The following SLC30A10 variants were observed in gnomAD, a reference collection of about 807,000 sequenced individuals.
The protein encoded by SLC30A10 is calcium/manganese antiporter SLC30A10.
Under a neutral mutation model 21.7 loss-of-function variants are expected in SLC30A10, and 8 were observed. That is an observed-to-expected ratio of 0.37 (90% CI 0.22 to 0.67). The LOEUF is 0.67. Ranked by LOEUF, SLC30A10 falls within the 30% of genes least tolerant of loss-of-function variation. The pLI, the probability that SLC30A10 is intolerant of heterozygous loss-of-function variation, is 0.58. For missense variants in SLC30A10, 521 were observed against 642.5 expected, an observed-to-expected ratio of 0.81 and a Z score of 2.04; for synonymous variants, 272 against 279.4, an observed-to-expected ratio of 0.97 and a Z score of 0.26.
At chr1:219,947,516 G>T (rs537754366) in intron 1 of SLC30A10, among the ~76,000 whole-genome samples, 1 of 152,210 alleles carries the variant, frequency 6.6e-6, no homozygotes, top group East Asian at 1.9e-4. Flanking sequence ...CTGGGTGACA[G>T]AGCAAGATCC....
chr1:219,931,929 G>T (rs749442222), upstream of SLC30A10, among the ~76,000 whole-genome samples: 3 of 152,090 alleles, frequency 2.0e-5, no homozygotes, highest in Non-Finnish European at 4.4e-5. Context: ...TATTTTATAG[G>T]ATAGAACCTG....
chr1:219,931,348 C>T (rs141847709), upstream of SLC30A10, among the ~76,000 whole-genome samples: 30 of 152,270 alleles, frequency 2.0e-4, no homozygotes, highest in African/African-American at 6.5e-4. Context: ...CTGGGGGACC[C>T]ATTCCTGACT....
chr1:219,919,907 G>A (rs1024219828), intron 2 of SLC30A10, among the ~76,000 whole-genome samples: 1 of 152,038 alleles, frequency 6.6e-6, no homozygotes, highest in South Asian at 2.1e-4. Flanking sequence ...GACTTATGCA[G>A]TAGAATTAAT....
chr1:219,943,700 C>T (rs1385597788), intron 1 of SLC30A10, among the ~76,000 whole-genome samples: 3 of 152,246 alleles, frequency 2.0e-5, no homozygotes, highest in South Asian at 2.1e-4. Flanking sequence ...ATTACAAATA[C>T]ATTTGAAACA....
rs1182046054 is a variant in SLC30A10, at chr1:219,928,141, G to C, written c.300C>G (p.Ala100=). The C allele has an allele frequency of 5.1e-5, 79 of 1,562,692 alleles. No homozygotes were observed. Among genetic ancestry groups the C allele is most frequent in the Non-Finnish European group, 6.4e-5 (74 of 1,154,032 alleles). The change falls in exon 1 of 4, where the codon GCC becomes GCG. Residue 100 remains alanine (A), a synonymous_variant. Transcript: ENST00000366926. This position sits in a 1 kb window ranked among gnomAD's most constrained non-coding sequence, Gnocchi z 6.3. The part of the protein sequence containing the change: ...TALCFTIFVE[A]VLRLARPERI... The stretch of plus-strand genomic sequence containing the variant: ...GCTCGGGCCGGGCCAGGCGCAGCAC[G>C]GCCTCCACGAAGATGGTGAAGCAGA...
chr1:219,917,962 C>T (rs1005449820), intron 3 of SLC30A10, among the ~76,000 whole-genome samples: 2 of 152,130 alleles, frequency 1.3e-5, no homozygotes, highest in African/African-American at 4.8e-5. Context: ...ACTCACCCAC[C>T]TCTGCCTCCC....
chr1:219,921,802 C>A (rs1439984484), intron 2 of SLC30A10, among the ~76,000 whole-genome samples: 3 of 151,984 alleles, frequency 2.0e-5, no homozygotes, highest in African/African-American at 4.8e-5. Context: ...GCTGCCCATG[C>A]AAAGATGAAG....
chr1:219,935,293 C>T (rs905272985), intron 1 of SLC30A10, among the ~76,000 whole-genome samples: 1 of 152,200 alleles, frequency 6.6e-6, no homozygotes, highest in Admixed American at 6.5e-5. Context: ...CAATCCAACA[C>T]AGATGGCAAC....
chr1:219,938,432 G>A (rs1057309220), intron 1 of SLC30A10, among the ~76,000 whole-genome samples: 1 of 152,210 alleles, frequency 6.6e-6, no homozygotes, highest in African/African-American at 2.4e-5. Context: ...GGGAGAAAGA[G>A]TGCAGCATGC....
intron 2 of SLC30A10, among the ~76,000 whole-genome samples, chr1:219,921,133 C>T (rs553717054): frequency 2.0e-5 from 3 of 152,162 alleles, no homozygotes; most frequent in African/African-American, 7.2e-5. Flanking sequence ...AATGTTGTAA[C>T]CCTGCTAAAT....
intron 1 of SLC30A10, among the ~76,000 whole-genome samples, chr1:219,949,015 C>T (rs1378011593): frequency 6.6e-6 from 1 of 151,094 alleles, no homozygotes; most frequent in Non-Finnish European, 1.5e-5. Context: ...AAAATGCTCA[C>T]CATCACTGGC....
chr1:219,915,754 C>T lies in SLC30A10; in HGVS notation c.1153G>A (p.Val385Met), dbSNP rs943332891. 3.7e-6 allele frequency: 6 copies of T among 1,614,094 alleles called. No individual in the cohort carries two copies. The African/African-American group carries it at 8.0e-5, about 22-fold the overall frequency. Residue 385 changes from valine to methionine, a missense_variant, in exon 4 of 4, where the codon GTG (valine) becomes ATG (methionine). By Grantham distance (21) the Val-to-Met change is conservative. Transcript: ENST00000366926. ...TGCTCCAGGGGTTCCTTCAAGTCCACATTTTCAAACTGGATGGTCACATTG... is the reference window on the plus strand; with the variant it reads ...TGCTCCAGGGGTTCCTTCAAGTCCATATTTTCAAACTGGATGGTCACATTG... ...IHNVTIQFEN[V>M]DLKEPLEQKD...
Position 219,949,320 on chromosome 1 carries a change from C to T in SLC30A10, n.80+9248G>A, listed in dbSNP as rs975411395. Among the ~76,000 whole-genome samples the T allele has an allele frequency of 3.2e-4, 48 of 151,856 alleles. 1 individual carries two copies. The highest frequency in any genetic ancestry group is 8.4e-4 in the African/African-American group (35 of 41,440). On this transcript the variant is annotated intron_variant and non_coding_transcript_variant, in intron 1 of 8. Coordinates refer to the SLC30A10 transcript ENST00000484239. ...GACACATGCACACGTATGTTTATTGCGGCACTATTCACAATAGCAAAGACT... is the reference window on the plus strand; with the variant it reads ...GACACATGCACACGTATGTTTATTGTGGCACTATTCACAATAGCAAAGACT...
At chr1:219,947,972 C>A (rs887940752) in intron 1 of SLC30A10, among the ~76,000 whole-genome samples, 7 of 151,724 alleles carry the variant, frequency 4.6e-5, no homozygotes, top group Admixed American at 1.3e-4. Flanking sequence ...CAATAACAGA[C>A]AAACAGAGAG....
chr1:219,927,927 C>T lies in SLC30A10; in HGVS notation c.514G>A (p.Gly172Ser). The T allele has an allele frequency of 6.5e-7, 1 of 1,538,090 alleles. No individual in the cohort carries two copies. Among genetic ancestry groups the T allele is most frequent in the Non-Finnish European group, 8.8e-7 (1 of 1,142,068 alleles). Residue 172 changes from glycine (G) to serine (S), a missense_variant, in exon 1 of 4, where the codon GGC (glycine) becomes AGC (serine). Gly to Ser is a moderately conservative substitution (Grantham distance 56). Coordinates refer to ENST00000366926, the MANE Select transcript of SLC30A10 (RefSeq NM_018713.3). ...GCCGCGCGCCGCGGGTCCTCCGCGC[C>T]CTGAGGCCCCCCGAAAGCGCCGGGG... is the stretch of plus-strand genomic sequence containing the variant. ...CVPGAFGGPQ[G>S]AEDPRRAADP...
chr1:219,946,736 T>C (rs919266802), intron 1 of SLC30A10, among the ~76,000 whole-genome samples: 4 of 152,120 alleles, frequency 2.6e-5, no homozygotes, highest in East Asian at 1.9e-4. Context: ...GTTGTTGTGC[T>C]CTGCTTGTAA....
chr1:219,923,072 C>A (rs922416188), intron 2 of SLC30A10, among the ~76,000 whole-genome samples: 1 of 152,124 alleles, frequency 6.6e-6, no homozygotes, highest in African/African-American at 2.4e-5. Flanking sequence ...AAGAGAAGGG[C>A]AGAAATGTCT....
intron 1 of SLC30A10, among the ~76,000 whole-genome samples, chr1:219,949,615 G>A (rs942194528): frequency 4.6e-5 from 7 of 152,126 alleles, no homozygotes; most frequent in Admixed American, 2.6e-4. Context: ...TGGGGGGAGC[G>A]GGAAGGGATA....
chr1:219,920,761 CA>C (rs1659657994), intron 2 of SLC30A10, among the ~76,000 whole-genome samples: 1 of 152,172 alleles, frequency 6.6e-6, no homozygotes, highest in African/African-American at 2.4e-5. Flanking sequence ...TGTTGGAACT[CA>C]AAAGTATTTT....
Sources: gnomAD v4.1 joint callset for allele counts (sites outside exome capture counted in the v4.1 genomes callset) on GRCh38, gnomAD v4.1.1 for gene constraint, Gnocchi (gnomAD v3.1) non-coding constraint, MANE v1.5 for transcripts, NCBI Gene and HGNC (gene_info 2026-07-23, HGNC 2026-07-21) for gene names.